The following ATP2C2 variants were observed in gnomAD, a reference collection of about 807,000 sequenced individuals.
ATP2C2 encodes the protein ATPase secretory pathway Ca2+ transporting 2.
In ATP2C2, 171 loss-of-function variants were observed where a neutral mutation model predicts 110.8. The ratio of observed to expected loss-of-function variants is 1.54; its 90% CI spans 1.36 to 1.75. The LOEUF (loss-of-function observed/expected upper bound fraction) is 1.75, where lower values mean the gene tolerates loss of function less well. ATP2C2 is among the 40% of genes most tolerant of loss of function. The pLI is 0.00. For synonymous variants in ATP2C2, 804 were observed against 508.4 expected (o/e 1.58, Z -7.82); for missense variants, 1,963 against 1,235.0 (o/e 1.59, Z -8.84).
intron 2 of ATP2C2, among the ~76,000 whole-genome samples, chr16:84,403,394 C>A (rs975022820): frequency 1.3e-5 from 2 of 152,140 alleles, no homozygotes; most frequent in African/African-American, 2.4e-5. Context: ...CAGCCTCCAC[C>A]TCCTGGGCTT....
chr16:84,415,801 C>G (rs957242348), intron 7 of ATP2C2, among the ~76,000 whole-genome samples: 3 of 152,128 alleles, frequency 2.0e-5, no homozygotes, highest in Non-Finnish European at 4.4e-5. Flanking sequence ...GTCATCCTCA[C>G]TTTAAGCCTG....
At chr16:84,438,416 T>G (rs1428217743) in intron 11 of ATP2C2, among the ~76,000 whole-genome samples, 6 of 152,026 alleles carry the variant, frequency 3.9e-5, no homozygotes, top group African/African-American at 7.2e-5. Context: ...CCAAAAGGGA[T>G]AGAAAGAGCC....
intron 7 of ATP2C2, among the ~76,000 whole-genome samples, chr16:84,418,633 C>T (rs1431043286): frequency 1.3e-5 from 2 of 152,220 alleles, no homozygotes; most frequent in South Asian, 2.1e-4. Flanking sequence ...GGTTGCGTGG[C>T]CCTGCGCAGT....
rs1264705240 is a variant in ATP2C2, at chr16:84,453,335, C to T, written c.1944C>T (p.Phe648=). The change falls in exon 20 of 27, where the codon TTC becomes TTT. Residue 648 remains phenylalanine (F), a synonymous_variant. Transcript: ENST00000262429. ...TCCGTGTCCAGGTGTCCGTGTTCTT[C>T]AGGACCAGCCCAAAGCACAAGCTCA... ...ADRVGKVSVF[F]RTSPKHKLKI... 3 of 1,614,042 alleles carry T rather than the reference C, an allele frequency of 1.9e-6. No homozygotes were observed. Among genetic ancestry groups the T allele is most frequent in the Non-Finnish European group, 2.5e-6 (3 of 1,180,028 alleles).
intron 11 of ATP2C2, among the ~76,000 whole-genome samples, chr16:84,430,511 C>T (rs994175718): frequency 1.1e-4 from 16 of 151,990 alleles, no homozygotes; most frequent in African/African-American, 3.9e-4. Context: ...CGTGGTGGCA[C>T]GTGCCTATAA....
chr16:84,460,826 T>G (rs1911248936), intron 24 of ATP2C2, 25 bp downstream of exon 24: 1 of 1,596,918 alleles, frequency 6.3e-7, no homozygotes, highest in African/African-American at 1.3e-5. Flanking sequence ...CCCCGGCCTG[T>G]TCTCCAAGCC....
chr16:84,397,707 A>G (rs1234810079), intron 1 of ATP2C2, among the ~76,000 whole-genome samples: 4 of 150,244 alleles, frequency 2.7e-5, no homozygotes, highest in Admixed American at 6.7e-5. Flanking sequence ...GTATTAGCCA[A>G]CAACTAACAA....
At chr16:84,392,732 G>C (rs1392372234) in intron 1 of ATP2C2, among the ~76,000 whole-genome samples, 1 of 152,168 alleles carries the variant, frequency 6.6e-6, no homozygotes, top group Non-Finnish European at 1.5e-5. Context: ...CAAAGTGCTG[G>C]GATTACGGGC....
intron 1 of ATP2C2, among the ~76,000 whole-genome samples, chr16:84,394,667 C>T (rs1012496709): frequency 5.9e-5 from 9 of 152,094 alleles, no homozygotes; most frequent in Non-Finnish European, 1.3e-4. Flanking sequence ...ATCTGTTCCA[C>T]GCTTCTCTTC....
rs371217997 is a variant in ATP2C2, at chr16:84,415,591, G to A, written c.624G>A (p.Glu208=). Reference sequence around the variant, plus strand: ...TCCCTGCAGACATCCGACTCACTGAGGTGAGTGGTTCCAAACCCTTGTCAA... The same window carrying A: ...TCCCTGCAGACATCCGACTCACTGAAGTGAGTGGTTCCAAACCCTTGTCAA... ...DRIPADIRLT[E]VTDLLVDESS... Residue 208 remains glutamate, a splice_region_variant and synonymous_variant, in exon 7 of 27, where the codon GAG becomes GAA. Transcript: ENST00000262429. 1.1e-5 allele frequency: 17 copies of A among 1,609,694 alleles called. No homozygotes were observed. The African/African-American group carries it at 1.7e-4, about 16-fold the overall frequency.
chr16:84,411,506 A>C (rs1045004543), intron 6 of ATP2C2, among the ~76,000 whole-genome samples: 1 of 152,160 alleles, frequency 6.6e-6, no homozygotes, highest in Non-Finnish European at 1.5e-5. Flanking sequence ...CAGTGGCACA[A>C]TCTCAGTTCG....
At chr16:84,427,002 G>A (rs960136459) in intron 11 of ATP2C2, among the ~76,000 whole-genome samples, 3 of 152,194 alleles carry the variant, frequency 2.0e-5, no homozygotes, top group Non-Finnish European at 4.4e-5. Context: ...AAGGGAAGCA[G>A]AGGCCGGGGA....
chr16:84,400,570 G>A (rs1405789604), intron 2 of ATP2C2, among the ~76,000 whole-genome samples: 1 of 152,070 alleles, frequency 6.6e-6, no homozygotes, highest in African/African-American at 2.4e-5. Flanking sequence ...CTCATGATCT[G>A]CCTGCCTCAG....
intron 13 of ATP2C2, among the ~76,000 whole-genome samples, chr16:84,440,026 G>A (rs11867035): frequency 0.39 from 59,332 of 152,166 alleles, 11,994 homozygotes; most frequent in East Asian, 0.54. Flanking sequence ...AGTAGAGACG[G>A]GGTATCACTA....
Position 84,460,807 on chromosome 16 carries a change from C to T in ATP2C2, c.2481+6C>T, listed in dbSNP as rs201099192. ...TCTTTATCTTCTGGAAGGAGGTGAGCGAGGGTCACCCCGGCCTGTTCTCCA... is the reference window on the plus strand; with the variant it reads ...TCTTTATCTTCTGGAAGGAGGTGAGTGAGGGTCACCCCGGCCTGTTCTCCA... On this transcript the variant is annotated splice_donor_region_variant and intron_variant, in intron 24 of 26. Coordinates refer to ENST00000262429, the MANE Select transcript of ATP2C2 (RefSeq NM_014861.4). The T allele has an allele frequency of 2.3e-4, 377 of 1,608,758 alleles. 2 individuals are homozygous for T. The South Asian group carries it at 3.8e-3, about 16-fold the overall frequency.
Position 84,410,698 on chromosome 16 carries a change from T to C in ATP2C2, c.454-6T>C. ...TAAACAGCACATCTGATGTGCTTCC[T>C]GCCAGGAGTACAGGTCGGAGAAATC... On this transcript the variant is annotated splice_region_variant and splice_polypyrimidine_tract_variant and intron_variant, in intron 5 of 26. Coordinates refer to ENST00000262429, the MANE Select transcript of ATP2C2 (RefSeq NM_014861.4). 1 of 1,614,156 alleles carries C rather than the reference T, an allele frequency of 6.2e-7. No individual in the cohort carries two copies. Among genetic ancestry groups the C allele is most frequent in the Non-Finnish European group, 8.5e-7 (1 of 1,179,994 alleles).
intron 7 of ATP2C2, among the ~76,000 whole-genome samples, chr16:84,420,774 G>A (rs1258707954): frequency 1.3e-5 from 2 of 151,992 alleles, no homozygotes; most frequent in Non-Finnish European, 2.9e-5. Flanking sequence ...AGTTTCTGAT[G>A]TTCCTTGTTT....
chr16:84,460,552 C>A (rs1208418663), intron 23 of ATP2C2, 102 bp from the exon 24 acceptor site: 1 of 1,540,286 alleles, frequency 6.5e-7, no homozygotes, highest in Non-Finnish European at 9.0e-7. Context: ...TGGCCCTGCC[C>A]CCTGTGCCAA....
At chr16:84,402,018 T>C (rs924287327) in intron 2 of ATP2C2, among the ~76,000 whole-genome samples, 1 of 152,236 alleles carries the variant, frequency 6.6e-6, no homozygotes, top group Non-Finnish European at 1.5e-5. Flanking sequence ...ATCAATGTTT[T>C]ATAGTTTTCA....
Sources: allele counts gnomAD v4.1 joint callset (sites outside exome capture counted in the v4.1 genomes callset), GRCh38; gene constraint gnomAD v4.1.1; transcripts MANE v1.5; gene names NCBI Gene and HGNC (gene_info 2026-07-23, HGNC 2026-07-21).